Variants in BSN observed in about 807,000 individuals in gnomAD.
The protein encoded by BSN is protein bassoon.
A neutral mutation model predicts 264.8 loss-of-function variants in BSN; 57 were observed. The ratio of observed to expected loss-of-function variants is 0.22; its 90% CI spans 0.17 to 0.27. BSN has a LOEUF of 0.27. Among genes scored for constraint, BSN ranks in the 10% least tolerant of loss-of-function variants. The probability of loss-of-function intolerance (pLI) is 1.00; values close to 1 mark genes in which losing one functional copy is unlikely to be tolerated. For missense variants in BSN, 4,615 were observed against 5,232.5 expected (o/e 0.88, Z 3.64); for synonymous variants, 2,059 against 2,137.3 (o/e 0.96, Z 1.01).
chr3:49,579,070 C>T (rs934627980), intron 1 of BSN, among the ~76,000 whole-genome samples: 5 of 151,994 alleles, frequency 3.3e-5, no homozygotes, highest in Non-Finnish European at 7.4e-5. Context: ...TTACTGTAAC[C>T]TCAAACTCCT....
chr3:49,613,119 G>A (rs1230009283), intron 1 of BSN, among the ~76,000 whole-genome samples: 1 of 151,852 alleles, frequency 6.6e-6, no homozygotes, highest in Non-Finnish European at 1.5e-5. Context: ...GGCAACAAGA[G>A]TGAAACTCCA....
chr3:49,636,163 G>A (rs1004961054), intron 2 of BSN, among the ~76,000 whole-genome samples: 1 of 152,200 alleles, frequency 6.6e-6, no homozygotes, highest in Non-Finnish European at 1.5e-5. Context: ...TCAGCCCCAT[G>A]TGGGTTGCAG....
chr3:49,644,197 C>T (rs2052488931), intron 3 of BSN, among the ~76,000 whole-genome samples: 1 of 152,210 alleles, frequency 6.6e-6, no homozygotes, highest in Non-Finnish European at 1.5e-5. Context: ...GAGCCAAGGC[C>T]CTGCCTCTTG....
chr3:49,603,377 G>T (rs1352431760), intron 1 of BSN, among the ~76,000 whole-genome samples: 1 of 152,206 alleles, frequency 6.6e-6, no homozygotes, highest in Non-Finnish European at 1.5e-5. Flanking sequence ...CACCAGCCTT[G>T]CCCAATTCCT....
chr3:49,656,262 G>T lies in BSN; in HGVS notation c.6706G>T (p.Val2236Leu). ...TTACGCATCTGGTGGAATCACAGCC[G>T]TGCCACTCACCAGTCTGACACGTGT... is the stretch of plus-strand genomic sequence containing the variant. ...RPYASGGITA[V>L]PLTSLTRVPM... The change falls in exon 5 of 12, where the codon GTG (valine) becomes TTG (leucine). Residue 2236 changes from valine (V) to leucine (L), a missense_variant. By Grantham distance (32) the Val-to-Leu change is conservative. This residue lies in a region of BSN where 3,415 missense variants were observed against 3,866.4 expected (regional missense o/e 0.88). Transcript: ENST00000296452. The T allele has an allele frequency of 6.2e-7, 1 of 1,612,622 alleles. No homozygotes were observed. The highest frequency in any genetic ancestry group is 8.5e-7 in the Non-Finnish European group (1 of 1,179,596).
chr3:49,572,523 C>G (rs1438449768), intron 1 of BSN, among the ~76,000 whole-genome samples: 2 of 152,154 alleles, frequency 1.3e-5, no homozygotes, highest in Non-Finnish European at 2.9e-5. Flanking sequence ...GGGAAACCAT[C>G]CCCTGTATCT....
chr3:49,590,951 A>G (rs966994808), intron 1 of BSN, among the ~76,000 whole-genome samples: 1 of 152,048 alleles, frequency 6.6e-6, no homozygotes, highest in African/African-American at 2.4e-5. Context: ...CTCTACCAAA[A>G]ATAGTAAAAA....
At chr3:49,606,752 A>C (rs1362435226) in intron 1 of BSN, among the ~76,000 whole-genome samples, 2 of 152,036 alleles carry the variant, frequency 1.3e-5, no homozygotes, top group Non-Finnish European at 2.9e-5. Context: ...TGGAACTATC[A>C]AGCTACCTTG....
chr3:49,642,277 T>G lies in BSN; in HGVS notation c.643T>G (p.Trp215Gly). ...TTGCTTTTCTCCTCAGGTGAAGGAGTGGCTCTGTCTGAACTGTCAGATGCA... is the reference window on the plus strand; with the variant it reads ...TTGCTTTTCTCCTCAGGTGAAGGAGGGGCTCTGTCTGAACTGTCAGATGCA... ...PNPHLTQVKE[W>G]LCLNCQMQRA... The change falls in exon 3 of 12, where the codon TGG becomes GGG. Residue 215 changes from tryptophan (W) to glycine (G), a missense_variant. By Grantham distance (184) the Trp-to-Gly change is radical. Transcript: ENST00000296452. The surrounding 1 kb of genome is among the most constrained non-coding windows in gnomAD (Gnocchi z 7.0). The G allele has an allele frequency of 6.5e-7, 1 of 1,529,210 alleles. No individual in the cohort carries two copies. 94.7% of individuals were successfully genotyped at this position (1,529,210 alleles called of 1,614,324 possible).
At chr3:49,649,373 G>A (rs1329786296) in intron 3 of BSN, among the ~76,000 whole-genome samples, 3 of 152,200 alleles carry the variant, frequency 2.0e-5, no homozygotes, top group Non-Finnish European at 4.4e-5. Context: ...CCTGCAGGAC[G>A]GATGGAGCAC....
intron 1 of BSN, among the ~76,000 whole-genome samples, chr3:49,578,343 T>TTCA (rs1426759309): frequency 6.6e-6 from 1 of 152,098 alleles, no homozygotes; most frequent in Non-Finnish European, 1.5e-5. Flanking sequence ...TACCATAGAA[T>TTCA]TCACTCATTT....
chr3:49,660,802 G>A lies in BSN; in HGVS notation c.8957G>A (p.Arg2986His), dbSNP rs1342869857. Residue 2986 changes from arginine to histidine, a missense_variant, in exon 6 of 12, where the codon CGC becomes CAC. Coordinates refer to ENST00000296452, the MANE Select transcript of BSN (RefSeq NM_003458.4). The surrounding 1 kb of genome is among the most constrained non-coding windows in gnomAD (Gnocchi z 7.1). ...TACCTGGAGTTGGGTATCACACAAC[G>A]CAAAGAGTCTTTGGCCAAAGACCGG... ...LKYLELGITQ[R>H]KESLAKDRGG... 1.2e-6 allele frequency: 2 copies of A among 1,612,860 alleles called. No individual in the cohort carries two copies. The highest frequency in any genetic ancestry group is 1.7e-6 in the Non-Finnish European group (2 of 1,180,026).
chr3:49,577,033 C>G (rs2051849578), intron 1 of BSN, among the ~76,000 whole-genome samples: 1 of 152,212 alleles, frequency 6.6e-6, no homozygotes, highest in African/African-American at 2.4e-5. Context: ...CCATCTCCAC[C>G]TTGGGTCAGA....
Position 49,642,347 on chromosome 3 carries a change from G to T in BSN, c.713G>T (p.Ser238Ile). The stretch of plus-strand genomic sequence containing the variant: ...ATGACCACTGCACCTCGCTCCAAGA[G>T]CCAGCAGCAGCTGCACTCCCCAGCC... ...MDMTTAPRSK[S>I]QQQLHSPALS... Residue 238 changes from serine (S) to isoleucine (I), a missense_variant, in exon 3 of 12, where the codon AGC becomes ATC. This residue lies in a region of BSN where 1,197 missense variants were observed against 1,348.0 expected (regional missense o/e 0.89). Transcript: ENST00000296452. The surrounding 1 kb of genome is among the most constrained non-coding windows in gnomAD (Gnocchi z 7.0). 1 of 1,598,902 alleles carries T rather than the reference G, an allele frequency of 6.3e-7. No individual in the cohort carries two copies. Among genetic ancestry groups the T allele is most frequent in the East Asian group, 2.3e-5 (1 of 44,442 alleles).
At chr3:49,650,555 T>C (rs752566319) in intron 3 of BSN, 57 bp from the exon 4 acceptor site, 3 of 1,434,952 alleles carry the variant, frequency 2.1e-6, no homozygotes, top group Non-Finnish European at 2.9e-6. Context: ...GAAATATTAT[T>C]TGAGGACTTC....
chr3:49,577,187 A>C (rs946390898), intron 1 of BSN, among the ~76,000 whole-genome samples: 1 of 152,158 alleles, frequency 6.6e-6, no homozygotes, highest in African/African-American at 2.4e-5. Context: ...TTTCTTCGCT[A>C]TCTTGCTTGT....
At chr3:49,557,178 C>T (rs961646938) in intron 1 of BSN, among the ~76,000 whole-genome samples, 5 of 152,240 alleles carry the variant, frequency 3.3e-5, no homozygotes, top group African/African-American at 1.2e-4. Flanking sequence ...GAGAGTCCCT[C>T]AAGGAAGGGC....
rs1191008630 is a variant in BSN, at chr3:49,624,871, G to A, written c.225-104G>A. 5.6e-6 allele frequency: 6 copies of A among 1,063,654 alleles called. No individual in the cohort carries two copies. The East Asian group carries it at 1.6e-4, about 29-fold the overall frequency. 65.9% of individuals were successfully genotyped at this position (1,063,654 alleles called of 1,614,324 possible). On this transcript the variant is annotated intron_variant, in intron 1 of 11. Transcript: ENST00000296452. The stretch of plus-strand genomic sequence containing the variant: ...TGATGATTCTTCTGGGCAGGAGGAA[G>A]AGGGTGGTGATGGGGCTTGGCAGGG...
At chr3:49,606,095 T>TATTAAA (rs2052136783) in intron 1 of BSN, among the ~76,000 whole-genome samples, 1 of 73,052 alleles carries the variant, frequency 1.4e-5, no homozygotes, top group African/African-American at 5.6e-5. Context: ...TTTTTATATA[T>TATTAAA]AACATATAAT....
Sources: gnomAD v4.1 joint callset for allele counts (sites outside exome capture counted in the v4.1 genomes callset) on GRCh38, gnomAD v4.1.1 for gene constraint, gnomAD v4.1.1 regional missense constraint, Gnocchi (gnomAD v3.1) non-coding constraint, MANE v1.5 for transcripts, NCBI Gene and HGNC (gene_info 2026-07-23, HGNC 2026-07-21) for gene names.